The following MCTP1 variants were observed in gnomAD, a reference collection of about 807,000 sequenced individuals.
MCTP1 encodes the protein multiple C2 and transmembrane domain-containing protein 1.
A neutral mutation model predicts 120.6 loss-of-function variants in MCTP1; 69 were observed. That is an observed-to-expected ratio of 0.57 (90% CI 0.47 to 0.70). The LOEUF is 0.70. Ranked by LOEUF, MCTP1 falls within the 30% of genes least tolerant of loss-of-function variation. The pLI, the probability that MCTP1 is intolerant of heterozygous loss-of-function variation, is 0.00. For synonymous variants in MCTP1, 529 were observed against 493.1 expected (o/e 1.07, Z -0.96); for missense variants, 1,203 against 1,248.8 (o/e 0.96, Z 0.55).
At chr5:94,761,195 G>T (rs1220307970) in intron 19 of MCTP1, among the ~76,000 whole-genome samples, 1 of 152,204 alleles carries the variant, frequency 6.6e-6, no homozygotes, top group African/African-American at 2.4e-5. Context: ...AGTAGGCAAA[G>T]TCTGGCTTCC....
intron 1 of MCTP1, among the ~76,000 whole-genome samples, chr5:95,244,844 C>T (rs1756571567): frequency 6.6e-6 from 1 of 152,220 alleles, no homozygotes; most frequent in Non-Finnish European, 1.5e-5. Context: ...GAGGTTCTCT[C>T]AGCATGGCGT....
chr5:94,997,590 A>G (rs1832856238), intron 2 of MCTP1, among the ~76,000 whole-genome samples: 1 of 152,150 alleles, frequency 6.6e-6, no homozygotes, highest in Non-Finnish European at 1.5e-5. Flanking sequence ...CATGTCAGTC[A>G]TGACTCTTTA....
At chr5:95,009,781 C>A (rs927073221) in intron 2 of MCTP1, among the ~76,000 whole-genome samples, 2 of 152,074 alleles carry the variant, frequency 1.3e-5, no homozygotes, top group African/African-American at 2.4e-5. Flanking sequence ...CCAAAGATCA[C>A]GTACTTTCTA....
chr5:95,156,477 C>T (rs1048194189), intron 1 of MCTP1, among the ~76,000 whole-genome samples: 5 of 152,266 alleles, frequency 3.3e-5, no homozygotes, highest in South Asian at 2.1e-4. Context: ...AGTGAGTTTC[C>T]GTTTAAGCAA....
Position 94,950,895 on chromosome 5 carries a change from C to A in MCTP1, c.981+2324G>T, listed in dbSNP as rs200476327. 2.8e-4 allele frequency among the ~76,000 whole-genome samples: 42 copies of A among 149,020 alleles called. 1 individual carries two copies. In the South Asian group the frequency reaches 6.3e-3, roughly 22 times the overall value. On this transcript the variant is annotated intron_variant, in intron 3 of 22. Transcript: ENST00000515393. The stretch of plus-strand genomic sequence containing the variant: ...TCAGGAGGCGGAGCTTGCAGTGAGC[C>A]GAGATCGTGCCACTGCACTCCAGCC...
chr5:95,228,609 A>C (rs79936570), intron 1 of MCTP1, among the ~76,000 whole-genome samples: 2,089 of 152,194 alleles, frequency 0.014, 50 homozygotes, highest in African/African-American at 0.046. Context: ...TATGGTTTGG[A>C]TCTGTGTCTT....
At chr5:94,919,941 C>T (rs1454098940) in intron 7 of MCTP1, among the ~76,000 whole-genome samples, 2 of 152,112 alleles carry the variant, frequency 1.3e-5, no homozygotes, top group Admixed American at 1.3e-4. Flanking sequence ...TCCTTTTTTT[C>T]TTAGAAGATG....
At chr5:95,050,482 C>G (rs1745610279) in intron 1 of MCTP1, among the ~76,000 whole-genome samples, 1 of 152,162 alleles carries the variant, frequency 6.6e-6, no homozygotes, top group Non-Finnish European at 1.5e-5. Flanking sequence ...TCGGACATCA[C>G]CAGTCACATT....
chr5:95,038,350 C>T (rs961647384), intron 1 of MCTP1, among the ~76,000 whole-genome samples: 1 of 152,062 alleles, frequency 6.6e-6, no homozygotes, highest in Non-Finnish European at 1.5e-5. Flanking sequence ...TGGATTACAA[C>T]CCAAAGAATA....
chr5:94,745,974 G>A (rs911414270), intron 19 of MCTP1, among the ~76,000 whole-genome samples: 1 of 152,104 alleles, frequency 6.6e-6, no homozygotes, highest in Non-Finnish European at 1.5e-5. Context: ...TGTAAGCATT[G>A]CATTCACATT....
At chr5:95,047,327 G>A (rs1744808011) in intron 1 of MCTP1, among the ~76,000 whole-genome samples, 1 of 152,086 alleles carries the variant, frequency 6.6e-6, no homozygotes, top group Admixed American at 6.6e-5. Flanking sequence ...CACTGAGCAG[G>A]CACCATGGCA....
chr5:94,917,832 C>T (rs1810493182), intron 8 of MCTP1, 64 bp downstream of exon 8: 2 of 1,313,338 alleles, frequency 1.5e-6, no homozygotes, highest in Non-Finnish European at 2.2e-6. Context: ...AGTAAGTTGG[C>T]TCTCAGAAAT....
intron 10 of MCTP1, among the ~76,000 whole-genome samples, chr5:94,901,791 C>T (rs1805618286): frequency 6.6e-6 from 1 of 152,142 alleles, no homozygotes; most frequent in African/African-American, 2.4e-5. Flanking sequence ...TCATAACATT[C>T]CTTTCTAGAT....
intron 17 of MCTP1, chr5:94,826,421 T>C: frequency 3.0e-6 from 2 of 659,294 alleles, no homozygotes; most frequent in Non-Finnish European, 5.6e-6. Context: ...CTGATCCTGA[T>C]GACAAATGCC....
At chr5:95,253,971 A>G (rs1757631229) in intron 1 of MCTP1, among the ~76,000 whole-genome samples, 2 of 152,134 alleles carry the variant, frequency 1.3e-5, no homozygotes, top group South Asian at 4.1e-4. Flanking sequence ...AAATTCCTAG[A>G]TTTTAAAAAC....
intron 19 of MCTP1, among the ~76,000 whole-genome samples, chr5:94,733,832 C>T (rs566137345): frequency 3.3e-5 from 5 of 151,766 alleles, no homozygotes; most frequent in South Asian, 4.2e-4. Flanking sequence ...GGCGTGGTGG[C>T]GGGCACCTGT....
At chr5:94,803,541 T>G (rs951482398) in intron 17 of MCTP1, among the ~76,000 whole-genome samples, 2 of 152,188 alleles carry the variant, frequency 1.3e-5, no homozygotes, top group African/African-American at 4.8e-5. Flanking sequence ...CTTGGCAGAT[T>G]TGAGAAGCAA....
chr5:95,259,437 C>A lies in MCTP1; in HGVS notation c.720+24419G>T, dbSNP rs1034438908. 3.9e-5 allele frequency among the ~76,000 whole-genome samples: 6 copies of A among 152,280 alleles called. No individual in the cohort carries two copies. In the South Asian group the frequency reaches 6.2e-4, roughly 16 times the overall value. ...GGTGGCCAGATTCCATATAGCCCCC[C>A]ACTTTGTCTGGAGGCCTTAAATGGC... On this transcript the variant is annotated intron_variant, in intron 1 of 22. Coordinates refer to ENST00000515393, the MANE Select transcript of MCTP1 (RefSeq NM_024717.7).
intron 17 of MCTP1, among the ~76,000 whole-genome samples, chr5:94,844,143 A>G (rs1194829749): frequency 6.6e-6 from 1 of 151,980 alleles, no homozygotes; most frequent in Non-Finnish European, 1.5e-5. Flanking sequence ...TCTCTACTAA[A>G]AATACAAAAC....
Sources: allele counts gnomAD v4.1 joint callset (sites outside exome capture counted in the v4.1 genomes callset), GRCh38; gene constraint gnomAD v4.1.1; transcripts MANE v1.5; gene names NCBI Gene and HGNC (gene_info 2026-07-23, HGNC 2026-07-21).